Variants in CNTNAP4 observed in about 807,000 individuals in gnomAD.
CNTNAP4 encodes the protein contactin associated protein family member 4.
In CNTNAP4, 98 loss-of-function variants were observed where a neutral mutation model predicts 148.4. That is an observed-to-expected ratio of 0.66 (90% CI 0.56 to 0.78). CNTNAP4 has a LOEUF of 0.78. Ranked by LOEUF, CNTNAP4 falls within the 30% of genes least tolerant of loss-of-function variation. The pLI, the probability that CNTNAP4 is intolerant of heterozygous loss-of-function variation, is 0.00. For missense variants in CNTNAP4, 1,935 were observed against 1,565.6 expected (o/e 1.24, Z -3.98); for synonymous variants, 730 against 565.1 (o/e 1.29, Z -4.14).
At chr16:76,402,993 AATG>A (rs1274380374) in intron 3 of CNTNAP4, among the ~76,000 whole-genome samples, 8 of 152,326 alleles carry the variant, frequency 5.3e-5, no homozygotes, top group Non-Finnish European at 1.2e-4. Flanking sequence ...ACCATGTAGC[AATG>A]ATAACAACAT....
chr16:76,538,853 T>C (rs991397835), intron 19 of CNTNAP4, among the ~76,000 whole-genome samples: 3 of 152,000 alleles, frequency 2.0e-5, no homozygotes, highest in Non-Finnish European at 2.9e-5. Context: ...TAAGGGAATG[T>C]AGATTAGGAA....
intron 8 of CNTNAP4, among the ~76,000 whole-genome samples, chr16:76,455,914 G>A (rs925079553): frequency 1.3e-5 from 2 of 152,154 alleles, no homozygotes; most frequent in Non-Finnish European, 2.9e-5. Context: ...ACTAGAAGAC[G>A]ATCTGTAGAA....
chr16:76,330,926 T>C (rs1963448193), intron 2 of CNTNAP4, among the ~76,000 whole-genome samples: 1 of 152,248 alleles, frequency 6.6e-6, no homozygotes, highest in African/African-American at 2.4e-5. Flanking sequence ...TAAAAGCATC[T>C]AAATAGTGCT....
Position 76,398,927 on chromosome 16 carries a change from C to T in CNTNAP4, c.391-28525C>T, listed in dbSNP as rs530101625. 1.3e-3 allele frequency among the ~76,000 whole-genome samples: 197 copies of T among 152,040 alleles called. 1 individual carries two copies. Among genetic ancestry groups the T allele is most frequent in the African/African-American group, 4.1e-3 (169 of 41,368 alleles). On this transcript the variant is annotated intron_variant, in intron 3 of 23. Coordinates refer to ENST00000611870, the MANE Select transcript of CNTNAP4 (RefSeq NM_033401.5). ...CTCACCTTGAATTGTAATAATCCCC[C>T]CTGTGTCAAGGGGGGGTCCAGGTGG... is the stretch of plus-strand genomic sequence containing the variant.
intron 3 of CNTNAP4, among the ~76,000 whole-genome samples, chr16:76,364,017 A>G (rs532085723): frequency 1.3e-5 from 2 of 152,066 alleles, no homozygotes; most frequent in East Asian, 3.9e-4. Context: ...TGGGTGCATC[A>G]CTTGAGCCCA....
intron 21 of CNTNAP4, among the ~76,000 whole-genome samples, chr16:76,541,850 A>G (rs188773874): frequency 6.6e-6 from 1 of 152,324 alleles, no homozygotes; most frequent in East Asian, 1.9e-4. Flanking sequence ...TCCATTATCT[A>G]TAGTGGACAG....
intron 14 of CNTNAP4, among the ~76,000 whole-genome samples, chr16:76,497,783 G>A (rs2082455064): frequency 6.6e-6 from 1 of 151,962 alleles, no homozygotes; most frequent in African/African-American, 2.4e-5. Flanking sequence ...CATGGCCCGT[G>A]TATACCTGAG....
At chr16:76,361,228 A>G (rs1378486062) in intron 3 of CNTNAP4, among the ~76,000 whole-genome samples, 1 of 152,164 alleles carries the variant, frequency 6.6e-6, no homozygotes, top group Non-Finnish European at 1.5e-5. Flanking sequence ...CAGTGTTGTA[A>G]GGCAGATCTG....
intron 7 of CNTNAP4, among the ~76,000 whole-genome samples, chr16:76,450,187 T>C (rs560176397): frequency 1.2e-4 from 19 of 152,254 alleles, no homozygotes; most frequent in African/African-American, 4.6e-4. Flanking sequence ...TCTCACTCTG[T>C]CACCCAGGCT....
At chr16:76,483,596 G>A (rs1178796309) in intron 12 of CNTNAP4, among the ~76,000 whole-genome samples, 2 of 152,130 alleles carry the variant, frequency 1.3e-5, no homozygotes, top group African/African-American at 4.8e-5. Context: ...AACCTTCTGT[G>A]CTTAGGAGCA....
In CNTNAP4 at chr16:76,479,452, A is replaced by G; in HGVS notation, c.1796A>G (p.His599Arg). The G allele has an allele frequency of 6.2e-7, 1 of 1,611,030 alleles. No individual in the cohort carries two copies. The highest frequency in any genetic ancestry group is 8.5e-7 in the Non-Finnish European group (1 of 1,178,622). The stretch of plus-strand genomic sequence containing the variant: ...GAGCAGTCATGTGAAGCCTATAAGC[A>G]CAGAGGAAATACTTCAGGGTTTTAC... ...IYEQSCEAYK[H>R]RGNTSGFYYI... Residue 599 changes from histidine to arginine, a missense_variant, in exon 12 of 24, where the codon CAC (histidine) becomes CGC (arginine). His to Arg is a conservative substitution (Grantham distance 29). Transcript: ENST00000611870.
intron 7 of CNTNAP4, 115 bp from the exon 8 acceptor site, chr16:76,452,393 G>A: frequency 2.1e-6 from 2 of 965,444 alleles, no homozygotes; most frequent in Non-Finnish European, 3.1e-6. Context: ...CATGTTGATA[G>A]CAGGCAGTTG....
chr16:76,535,498 A>G (rs771653114), intron 17 of CNTNAP4, 47 bp from the exon 18 acceptor site: 23 of 1,597,988 alleles, frequency 1.4e-5, no homozygotes, highest in African/African-American at 2.7e-5. Context: ...TAAACCCTGA[A>G]TAAAACACCT....
chr16:76,448,676 A>T, intron 5 of CNTNAP4, 91 bp from the exon 6 acceptor site: 1 of 920,736 alleles, frequency 1.1e-6, no homozygotes, highest in South Asian at 1.9e-5. Context: ...GATTGCAATT[A>T]TTATGAAAGA....
At chr16:76,314,609 A>T (rs1306544053) in intron 1 of CNTNAP4, among the ~76,000 whole-genome samples, 1 of 152,192 alleles carries the variant, frequency 6.6e-6, no homozygotes, top group Non-Finnish European at 1.5e-5. Flanking sequence ...TTCTCAAATT[A>T]TTGGGACATC....
At chr16:76,457,153 TC>T (rs1242297239) in intron 8 of CNTNAP4, among the ~76,000 whole-genome samples, 1 of 152,194 alleles carries the variant, frequency 6.6e-6, no homozygotes, top group Non-Finnish European at 1.5e-5. Flanking sequence ...TCCTTCTCCT[TC>T]CTGTTTCACA....
At chr16:76,308,342 T>C (rs1477088510) in intron 1 of CNTNAP4, among the ~76,000 whole-genome samples, 3 of 152,234 alleles carry the variant, frequency 2.0e-5, no homozygotes, top group Non-Finnish European at 4.4e-5. Flanking sequence ...TGAGAGACGA[T>C]GCCAGGATTG....
At chr16:76,409,701 T>A (rs796338677) in intron 3 of CNTNAP4, among the ~76,000 whole-genome samples, 9 of 152,166 alleles carry the variant, frequency 5.9e-5, no homozygotes, top group African/African-American at 2.2e-4. Context: ...TTGTCTACTA[T>A]GTTTAAATAA....
intron 15 of CNTNAP4, among the ~76,000 whole-genome samples, chr16:76,499,529 A>T (rs1213391847): frequency 7.9e-5 from 12 of 151,754 alleles, no homozygotes; most frequent in African/African-American, 2.9e-4. Flanking sequence ...TTCTAGATAA[A>T]ACTCCAAGTT....
Sources: gnomAD v4.1 joint callset for allele counts (sites outside exome capture counted in the v4.1 genomes callset) on GRCh38, gnomAD v4.1.1 for gene constraint, MANE v1.5 for transcripts, NCBI Gene and HGNC (gene_info 2026-07-23, HGNC 2026-07-21) for gene names.